The following MB21D2 variants were observed in gnomAD, a reference collection of about 807,000 sequenced individuals.
MB21D2 encodes the protein Mab-21 domain containing 2.
MB21D2 carries 9 observed loss-of-function variants against 33.3 expected under a neutral mutation model. The ratio of observed to expected loss-of-function variants is 0.27; its 90% confidence interval spans 0.16 to 0.47. The LOEUF (loss-of-function observed/expected upper bound fraction) is 0.47, where lower values mean the gene tolerates loss of function less well. Among genes scored for constraint, MB21D2 ranks in the 20% least tolerant of loss-of-function variants. MB21D2 has a pLI of 0.99. For missense variants in MB21D2, 540 were observed against 624.6 expected (o/e 0.86, Z 1.44); for synonymous variants, 241 against 236.3 (o/e 1.02, Z -0.18).
rs114035418 is a variant in MB21D2, at chr3:192,871,004, G to A, written c.211+46626C>T. 9.7e-3 allele frequency among the ~76,000 whole-genome samples: 1,477 copies of A among 152,260 alleles called. 28 individuals carry two copies. Among genetic ancestry groups the A allele is most frequent in the African/African-American group, 0.034 (1,420 of 41,542 alleles). ...ACACATTGTTGTTGTCATCACAAAT[G>A]TTATCTGAATTGTAACATGGGGATA... is the stretch of plus-strand genomic sequence containing the variant. On this transcript the variant is annotated intron_variant, in intron 1 of 1. Coordinates refer to ENST00000392452, the MANE Select transcript of MB21D2 (RefSeq NM_178496.4).
At chr3:192,910,159 C>T (rs1714316483) in intron 1 of MB21D2, among the ~76,000 whole-genome samples, 1 of 151,318 alleles carries the variant, frequency 6.6e-6, no homozygotes, top group Non-Finnish European at 1.5e-5. Context: ...ATTCATTACT[C>T]CCAATTATTA....
At chr3:192,869,749 A>G (rs1051477959) in intron 1 of MB21D2, among the ~76,000 whole-genome samples, 3 of 152,202 alleles carry the variant, frequency 2.0e-5, no homozygotes, top group Non-Finnish European at 2.9e-5. Flanking sequence ...TCTGCCATCA[A>G]TGAGCCTATT....
At chr3:192,901,340 C>T (rs974700746) in intron 1 of MB21D2, among the ~76,000 whole-genome samples, 3 of 134,666 alleles carry the variant, frequency 2.2e-5, no homozygotes, top group East Asian at 2.4e-4. Context: ...GAGGCCGAGG[C>T]GGGCAGATCA....
intron 1 of MB21D2, among the ~76,000 whole-genome samples, chr3:192,853,287 C>A (rs1712847175): frequency 6.6e-6 from 1 of 152,220 alleles, no homozygotes; most frequent in Non-Finnish European, 1.5e-5. Flanking sequence ...CCATTCCATC[C>A]CGTGTTGACC....
intron 1 of MB21D2, among the ~76,000 whole-genome samples, chr3:192,853,806 G>A (rs887398994): frequency 1.3e-5 from 2 of 152,108 alleles, no homozygotes; most frequent in African/African-American, 2.4e-5. Flanking sequence ...CAACTGCAGG[G>A]TTCACATGCG....
intron 1 of MB21D2, among the ~76,000 whole-genome samples, chr3:192,831,564 A>G (rs897068976): frequency 6.6e-6 from 1 of 152,212 alleles, no homozygotes; most frequent in African/African-American, 2.4e-5. Flanking sequence ...AGTATCTCAG[A>G]TGACTCATCT....
intron 1 of MB21D2, among the ~76,000 whole-genome samples, chr3:192,898,940 G>A (rs1159798598): frequency 6.6e-6 from 1 of 152,238 alleles, no homozygotes; most frequent in Non-Finnish European, 1.5e-5. Flanking sequence ...TGGGCAGGAG[G>A]ATGTGCTATT....
At chr3:192,838,838 G>GAATC (rs1712508313) in intron 1 of MB21D2, among the ~76,000 whole-genome samples, 2 of 152,172 alleles carry the variant, frequency 1.3e-5, no homozygotes, top group Admixed American at 1.3e-4. Context: ...TGCCCTCATG[G>GAATC]AATCTTGGAG....
chr3:192,803,016 C>T (rs1711587962), intron 1 of MB21D2, among the ~76,000 whole-genome samples: 1 of 152,152 alleles, frequency 6.6e-6, no homozygotes, highest in Non-Finnish European at 1.5e-5. Context: ...AACTAAGACT[C>T]GTCTATATAA....
chr3:192,833,524 A>G (rs1483975540), intron 1 of MB21D2, among the ~76,000 whole-genome samples: 1 of 152,222 alleles, frequency 6.6e-6, no homozygotes, highest in African/African-American at 2.4e-5. Flanking sequence ...ACTTCTAAAT[A>G]TTCCACAAAC....
intron 1 of MB21D2, among the ~76,000 whole-genome samples, chr3:192,820,373 C>G (rs928112052): frequency 2.6e-5 from 4 of 151,900 alleles, no homozygotes; most frequent in African/African-American, 9.7e-5. Context: ...TCGGATAATA[C>G]AAAATGTAAT....
At chr3:192,869,794 C>G (rs1450368104) in intron 1 of MB21D2, among the ~76,000 whole-genome samples, 1 of 152,196 alleles carries the variant, frequency 6.6e-6, no homozygotes, top group Non-Finnish European at 1.5e-5. Flanking sequence ...AAGCCTGCCA[C>G]TGACATTATC....
intron 1 of MB21D2, among the ~76,000 whole-genome samples, chr3:192,836,212 A>T (rs1034627463): frequency 6.6e-6 from 1 of 152,222 alleles, no homozygotes. Flanking sequence ...ATCTCAGAGC[A>T]TGTTTCTGAA....
intron 1 of MB21D2, among the ~76,000 whole-genome samples, chr3:192,864,708 T>C (rs540192524): frequency 1.4e-3 from 219 of 152,258 alleles, no homozygotes; most frequent in African/African-American, 5.1e-3. Context: ...TGTTTCGCCA[T>C]GTTGGCCAGG....
chr3:192,877,197 G>A (rs1052849294), intron 1 of MB21D2, among the ~76,000 whole-genome samples: 4 of 152,124 alleles, frequency 2.6e-5, no homozygotes, highest in Non-Finnish European at 4.4e-5. Context: ...TACTTTCTTA[G>A]TTTATGTAAC....
chr3:192,807,334 CAAAA>C (rs34151496), intron 1 of MB21D2, among the ~76,000 whole-genome samples: 16 of 129,198 alleles, frequency 1.2e-4, no homozygotes, highest in Non-Finnish European at 1.2e-4. Flanking sequence ...CTTGAAAGGC[CAAAA>C]AAAAAAAAAA....
chr3:192,804,456 CACACACTT>C (rs1711620907), intron 1 of MB21D2, among the ~76,000 whole-genome samples: 1 of 149,922 alleles, frequency 6.7e-6, no homozygotes, highest in Non-Finnish European at 1.5e-5. Flanking sequence ...CACACACACA[CACACACTT>C]ACATATGTTG....
intron 1 of MB21D2, among the ~76,000 whole-genome samples, chr3:192,827,141 C>A (rs1560232256): frequency 6.6e-6 from 1 of 152,104 alleles, no homozygotes; most frequent in Non-Finnish European, 1.5e-5. Context: ...CGTGATCCAC[C>A]CGCCTCGGCC....
At chr3:192,872,905 C>T (rs567829935) in intron 1 of MB21D2, among the ~76,000 whole-genome samples, 1 of 152,268 alleles carries the variant, frequency 6.6e-6, no homozygotes, top group South Asian at 2.1e-4. Flanking sequence ...TTAGGAAGCT[C>T]AGCATAAGTG....
Sources: gnomAD v4.1 joint callset for allele counts (sites outside exome capture counted in the v4.1 genomes callset) on GRCh38, gnomAD v4.1.1 for gene constraint, MANE v1.5 for transcripts, NCBI Gene and HGNC (gene_info 2026-07-23, HGNC 2026-07-21) for gene names.